AFG1L: variants seen among roughly 807,000 people sequenced by gnomAD.
AFG1L encodes the protein AFG1-like ATPase.
AFG1L carries 53 observed loss-of-function variants against 62.2 expected under a neutral mutation model. The observed-to-expected ratio is 0.85, with a 90% confidence interval of 0.68 to 1.07. AFG1L has a LOEUF of 1.07. AFG1L is among the 50% of genes least tolerant of loss of function. The pLI is 0.00. For synonymous variants in AFG1L, 228 were observed against 210.3 expected, an observed-to-expected ratio of 1.08 and a Z score of -0.73; for missense variants, 555 against 590.5, an observed-to-expected ratio of 0.94 and a Z score of 0.62.
chr6:108,491,072 G>C (rs1773761239), intron 10 of AFG1L, among the ~76,000 whole-genome samples: 1 of 152,102 alleles, frequency 6.6e-6, no homozygotes, highest in African/African-American at 2.4e-5. Flanking sequence ...ATTCCAAAAA[G>C]TATTTTATAT....
chr6:108,349,075 A>G (rs1210342649), intron 3 of AFG1L, among the ~76,000 whole-genome samples: 2 of 152,204 alleles, frequency 1.3e-5, no homozygotes, highest in African/African-American at 4.8e-5. Context: ...GTAGGTGGCA[A>G]CCTTTGTTTG....
intron 2 of AFG1L, among the ~76,000 whole-genome samples, chr6:108,324,997 A>G (rs1042769988): frequency 1.3e-4 from 19 of 151,952 alleles, no homozygotes; most frequent in Admixed American, 1.2e-3. Flanking sequence ...CTGGCCTGGG[A>G]CATTTCTTAT....
At chr6:108,380,305 T>C (rs1297900714) in intron 6 of AFG1L, among the ~76,000 whole-genome samples, 1 of 152,116 alleles carries the variant, frequency 6.6e-6, no homozygotes, top group East Asian at 1.9e-4. Flanking sequence ...CTTGGGCTAC[T>C]GGTTCAGGCA....
Position 108,519,744 on chromosome 6 carries a change from G to A in AFG1L, c.1251G>A (p.Leu417=). 1 of 1,613,224 alleles carries A rather than the reference G, an allele frequency of 6.2e-7. No individual in the cohort carries two copies. Among genetic ancestry groups the A allele is most frequent in the Non-Finnish European group, 8.5e-7 (1 of 1,179,622 alleles). ...SASTPISSLF[L]HQHHDSELEQ... is the part of the protein sequence containing the mutation. ...CGACTCCTATATCAAGCTTATTTTT[G>A]CATCAACATCATGACAGTGAGTTGG... Residue 417 remains leucine (L), a synonymous_variant, in exon 12 of 13, where the codon TTG becomes TTA. Coordinates refer to ENST00000368977, the MANE Select transcript of AFG1L (RefSeq NM_145315.5).
At chr6:108,511,089 CAAA>C (rs532017667) in intron 11 of AFG1L, among the ~76,000 whole-genome samples, 6 of 74,026 alleles carry the variant, frequency 8.1e-5, no homozygotes, top group East Asian at 4.5e-4. Context: ...CCCTATCTCT[CAAA>C]AAAAAAAAAA....
At chr6:108,478,204 G>A (rs1005322483) in intron 10 of AFG1L, among the ~76,000 whole-genome samples, 3 of 152,228 alleles carry the variant, frequency 2.0e-5, no homozygotes, top group African/African-American at 7.2e-5. Context: ...TTGGGAGGCC[G>A]AGGCGGGTGG....
chr6:108,301,255 A>G lies in AFG1L; in HGVS notation c.139+6037A>G, dbSNP rs138787970. 6.8e-4 allele frequency among the ~76,000 whole-genome samples: 103 copies of G among 152,166 alleles called. No individual in the cohort carries two copies. In the East Asian group the frequency reaches 7.2e-3, roughly 11 times the overall value. On this transcript the variant is annotated intron_variant, in intron 1 of 12. Transcript: ENST00000368977. Reference sequence around the variant, plus strand: ...GACTTGTATCTTGTGCCAACCTCCTATCTCATCCTGTGACTAATAATGCCA... The same window carrying G: ...GACTTGTATCTTGTGCCAACCTCCTGTCTCATCCTGTGACTAATAATGCCA...
intron 8 of AFG1L, among the ~76,000 whole-genome samples, chr6:108,451,962 G>A (rs7756387): frequency 0.099 from 15,068 of 152,030 alleles, 1,067 homozygotes; most frequent in African/African-American, 0.2. Context: ...TGATCCATCC[G>A]CCTCAGCCTC....
Position 108,510,251 on chromosome 6 carries a change from T to G in AFG1L, c.1102T>G (p.Phe368Val), listed in dbSNP as rs1265081009. The G allele has an allele frequency of 6.2e-7, 1 of 1,612,230 alleles. No individual in the cohort carries two copies. The highest frequency in any genetic ancestry group is 2.2e-5 in the East Asian group (1 of 44,858). ...TGACTATTTGGAACTATCAAAGAAT[T>G]TTGATACAATATTTTTACGAAACAT... ...ASDYLELSKN[F>V]DTIFLRNIPQ... is the part of the protein sequence containing the mutation. The change falls in exon 11 of 13, where the codon TTT (phenylalanine) becomes GTT (valine). Residue 368 changes from phenylalanine to valine, a missense_variant. Transcript: ENST00000368977.
chr6:108,425,285 A>G (rs1770762993), intron 7 of AFG1L, among the ~76,000 whole-genome samples: 2 of 152,286 alleles, frequency 1.3e-5, no homozygotes, highest in Non-Finnish European at 2.9e-5. Flanking sequence ...GCTTGTAAAT[A>G]AGGATGGTTG....
chr6:108,411,034 C>T (rs117582707), intron 7 of AFG1L, among the ~76,000 whole-genome samples: 18 of 152,004 alleles, frequency 1.2e-4, no homozygotes, highest in Admixed American at 2.0e-4. Context: ...CCATGACAGG[C>T]GGTACCTGGA....
At chr6:108,394,043 TCCCTC>T (rs1562129580) in intron 6 of AFG1L, among the ~76,000 whole-genome samples, 1 of 149,836 alleles carries the variant, frequency 6.7e-6, no homozygotes, top group African/African-American at 2.5e-5. Flanking sequence ...CCCCTTCCCT[TCCCTC>T]CCTCCCTCCT....
Position 108,447,429 on chromosome 6 carries a change from C to T in AFG1L, c.890+133C>T, listed in dbSNP as rs187288954. The T allele has an allele frequency of 1.1e-3, 627 of 561,290 alleles. 1 individual carries two copies. Among genetic ancestry groups the T allele is most frequent in the Non-Finnish European group, 1.5e-3 (483 of 313,646 alleles). The allele number at this position is 561,290 out of a possible 1,614,324, so 34.8% of individuals were successfully genotyped here. ...ATGATTTTTAAATTGCAAATGTTCT[C>T]ATGTTAACTTCTTCAACCCGTGTCT... On this transcript the variant is annotated intron_variant, in intron 8 of 12. Coordinates refer to ENST00000368977, the MANE Select transcript of AFG1L (RefSeq NM_145315.5).
rs71015545 is a variant in AFG1L at position 108,371,930 on chromosome 6, A to AT, written c.748+5606dup. 1.2e-3 allele frequency among the ~76,000 whole-genome samples: 175 copies of AT among 150,590 alleles called. 1 individual carries two copies. The highest frequency in any genetic ancestry group is 6.5e-3 in the South Asian group (31 of 4,746). On this transcript the variant is annotated intron_variant, in intron 6 of 12. Coordinates refer to ENST00000368977, the MANE Select transcript of AFG1L (RefSeq NM_145315.5). The stretch of plus-strand genomic sequence containing the variant: ...TACCACTGTGCCCAACTAATTTTTA[A>AT]TTTTTTTTGTAGAGTTAGGGTCTCA...
intron 2 of AFG1L, among the ~76,000 whole-genome samples, chr6:108,342,605 A>C (rs911332703): frequency 6.6e-6 from 1 of 152,126 alleles, no homozygotes; most frequent in Non-Finnish European, 1.5e-5. Context: ...ACTGTTCTCC[A>C]TTTGATCCTC....
Position 108,401,063 on chromosome 6 carries a change from G to T in AFG1L, c.749-933G>T, listed in dbSNP as rs556392856. Among the ~76,000 whole-genome samples, 9 of 149,900 alleles carry T rather than the reference G, an allele frequency of 6.0e-5. No homozygotes were observed. The East Asian group carries it at 1.6e-3, about 26-fold the overall frequency. ...GGCTAACTGTAACTTCCACCTCCCT[G>T]GTTCAAGTGATTCTCCTCCCTCACC... On this transcript the variant is annotated intron_variant, in intron 6 of 12. Transcript: ENST00000368977.
At chr6:108,338,746 A>G (rs957576058) in intron 2 of AFG1L, among the ~76,000 whole-genome samples, 5 of 152,252 alleles carry the variant, frequency 3.3e-5, no homozygotes, top group Non-Finnish European at 7.3e-5. Context: ...GCTTTATGCA[A>G]TAAACTTTAG....
intron 7 of AFG1L, among the ~76,000 whole-genome samples, chr6:108,430,190 C>T (rs1771008917): frequency 6.6e-6 from 1 of 152,116 alleles, no homozygotes; most frequent in Non-Finnish European, 1.5e-5. Flanking sequence ...TCAAATGTTC[C>T]ACCCGCCTTG....
chr6:108,334,302 G>T (rs902637458), intron 2 of AFG1L, among the ~76,000 whole-genome samples: 2 of 152,060 alleles, frequency 1.3e-5, no homozygotes, highest in African/African-American at 4.8e-5. Context: ...ACTGTGCCTG[G>T]CAGGGTTAAT....
Sources: gnomAD v4.1 joint callset for allele counts (sites outside exome capture counted in the v4.1 genomes callset) on GRCh38, gnomAD v4.1.1 for gene constraint, MANE v1.5 for transcripts, NCBI Gene and HGNC (gene_info 2026-07-23, HGNC 2026-07-21) for gene names.